The following ANO6 variants were observed in gnomAD, a reference collection of about 807,000 sequenced individuals.
ANO6 encodes anoctamin 6.
Under a neutral mutation model 117.5 loss-of-function variants are expected in ANO6, and 106 were observed. That is an observed-to-expected ratio of 0.90 (90% confidence interval 0.77 to 1.06). ANO6 has a LOEUF of 1.06. Among genes scored for constraint, ANO6 ranks in the 50% least tolerant of loss-of-function variants. The pLI, the probability that ANO6 is intolerant of heterozygous loss-of-function variation, is 0.00. For synonymous variants in ANO6, 367 were observed against 385.1 expected, an observed-to-expected ratio of 0.95 and a Z score of 0.55; for missense variants, 955 against 1,121.1, an observed-to-expected ratio of 0.85 and a Z score of 2.12.
At chr12:45,434,024 A>G (rs1427805328), downstream of ANO6, among the ~76,000 whole-genome samples, 1 of 152,178 alleles carries the variant, frequency 6.6e-6, no homozygotes. Context: ...AGCACATGGG[A>G]TCCTTTACAA....
At chr12:45,439,830 T>C in exon 20 of ANO6, 1 of 1,540,068 alleles carries the variant, frequency 6.5e-7, no homozygotes, top group South Asian at 1.2e-5. Context: ...CCCTCTATTA[T>C]ATATTTTCTA....
At chr12:45,279,855 G>A (rs1452923271) in intron 1 of ANO6, among the ~76,000 whole-genome samples, 1 of 152,234 alleles carries the variant, frequency 6.6e-6, no homozygotes, top group Non-Finnish European at 1.5e-5. Context: ...GAAGAAATGT[G>A]AAGTTAAGTT....
At chr12:45,307,281 G>C (rs1592943705) in intron 2 of ANO6, among the ~76,000 whole-genome samples, 1 of 152,072 alleles carries the variant, frequency 6.6e-6, no homozygotes, top group African/African-American at 2.4e-5. Flanking sequence ...ACTTTCTCAG[G>C]AATCCAAATG....
chr12:45,315,273 G>A (rs1337001550), intron 2 of ANO6, among the ~76,000 whole-genome samples: 2 of 152,028 alleles, frequency 1.3e-5, no homozygotes, highest in African/African-American at 4.8e-5. Context: ...TGTGGCTCAT[G>A]GCTACTGTGT....
rs555482502 is a variant in ANO6, at chr12:45,305,467, C to A, written c.150+3374C>A. 4.6e-5 allele frequency among the ~76,000 whole-genome samples: 7 copies of A among 152,258 alleles called. No homozygotes were observed. In the East Asian group the frequency reaches 1.4e-3, roughly 29 times the overall value. ...GAATATATTGATAAGCATAACTAATCCATTGTTACTTTGAAAGCAGTTAGT... is the reference window on the plus strand; with the variant it reads ...GAATATATTGATAAGCATAACTAATACATTGTTACTTTGAAAGCAGTTAGT... On this transcript the variant is annotated intron_variant, in intron 2 of 19. Transcript: ENST00000320560.
intron 2 of ANO6, among the ~76,000 whole-genome samples, chr12:45,321,691 A>G (rs1426270922): frequency 6.6e-6 from 1 of 152,148 alleles, no homozygotes; most frequent in Non-Finnish European, 1.5e-5. Context: ...TCGTCTGTGT[A>G]ACCAAGTTTT....
intron 1 of ANO6, among the ~76,000 whole-genome samples, chr12:45,231,326 G>T (rs957332096): frequency 4.6e-5 from 7 of 152,118 alleles, no homozygotes; most frequent in African/African-American, 1.7e-4. Flanking sequence ...TGCAAAATAG[G>T]TACGTGAATT....
chr12:45,373,477 C>T (rs1343126585), intron 9 of ANO6, among the ~76,000 whole-genome samples: 5 of 152,090 alleles, frequency 3.3e-5, no homozygotes, highest in Non-Finnish European at 7.3e-5. Flanking sequence ...CTCTCCTCAG[C>T]GAATGTAAAA....
At chr12:45,228,232 T>C (rs1269666061) in intron 1 of ANO6, 8 of 444,164 alleles carry the variant, frequency 1.8e-5, no homozygotes, top group Admixed American at 2.4e-5. Flanking sequence ...CCAGACTCAA[T>C]TGATCCTCTT....
intron 1 of ANO6, among the ~76,000 whole-genome samples, chr12:45,285,751 A>T (rs1221700011): frequency 6.6e-6 from 1 of 152,072 alleles, no homozygotes; most frequent in Non-Finnish European, 1.5e-5. Flanking sequence ...AGAAAAAGAA[A>T]AAAAAAGGCT....
At chr12:45,405,455 A>G (rs1368248644) in intron 15 of ANO6, among the ~76,000 whole-genome samples, 2 of 152,226 alleles carry the variant, frequency 1.3e-5, no homozygotes, top group Non-Finnish European at 2.9e-5. Flanking sequence ...ATTGTTGAAA[A>G]TTACAGTGAT....
At position 45,362,861 on chromosome 12, in the gene ANO6, TAATG is replaced by T. The variant is rs544557685; in HGVS notation, c.999-4826_999-4823del. On this transcript the variant is annotated intron_variant, in intron 8 of 19. Coordinates refer to ENST00000320560, the MANE Select transcript of ANO6 (RefSeq NM_001025356.3). ...TATTATCATCATGCAAATTACAACTTAATGCATTATAAGCTTACCAACAGTTTCA... is the reference window on the plus strand; with the variant it reads ...TATTATCATCATGCAAATTACAACTTCATTATAAGCTTACCAACAGTTTCA... 7.2e-5 allele frequency among the ~76,000 whole-genome samples: 11 copies of T among 152,368 alleles called. No individual in the cohort carries two copies. The South Asian group carries it at 2.1e-3, about 29-fold the overall frequency.
At chr12:45,262,081 T>C (rs1449030750) in intron 1 of ANO6, among the ~76,000 whole-genome samples, 1 of 152,200 alleles carries the variant, frequency 6.6e-6, no homozygotes, top group African/African-American at 2.4e-5. Flanking sequence ...TTATACATAT[T>C]ATATGTGAGC....
intron 9 of ANO6, among the ~76,000 whole-genome samples, chr12:45,368,773 T>C (rs1941748821): frequency 6.6e-6 from 1 of 152,236 alleles, no homozygotes; most frequent in South Asian, 2.1e-4. Context: ...CTACTCCATG[T>C]AAGTCAGATT....
At chr12:45,239,305 T>C (rs1947699868) in intron 1 of ANO6, among the ~76,000 whole-genome samples, 1 of 152,256 alleles carries the variant, frequency 6.6e-6, no homozygotes, top group Admixed American at 6.5e-5. Context: ...CCATTTCTTC[T>C]AGATTTTCTA....
At chr12:45,386,542 C>T (rs1241812279) in intron 10 of ANO6, among the ~76,000 whole-genome samples, 8 of 152,226 alleles carry the variant, frequency 5.3e-5, no homozygotes, top group African/African-American at 1.2e-4. Context: ...GCCTTCTCAA[C>T]GTCCCTCAAG....
intron 3 of ANO6, among the ~76,000 whole-genome samples, chr12:45,339,485 T>G (rs1291595629): frequency 6.6e-6 from 1 of 152,158 alleles, no homozygotes; most frequent in African/African-American, 2.4e-5. Flanking sequence ...TGAGCATTTA[T>G]TTCTTTTGTG....
At chr12:45,406,021 T>G (rs1439516559) in intron 15 of ANO6, among the ~76,000 whole-genome samples, 2 of 152,212 alleles carry the variant, frequency 1.3e-5, no homozygotes, top group Non-Finnish European at 2.9e-5. Flanking sequence ...ATCGTGTAAG[T>G]GTGTCAAGAG....
intron 1 of ANO6, 24 bp downstream of exon 1, chr12:45,216,415 C>T (rs1947312044): frequency 6.2e-7 from 1 of 1,605,848 alleles, no homozygotes; most frequent in East Asian, 2.2e-5. Context: ...CCCCGCGTCC[C>T]CACCCGAGAG....
Sources: allele counts gnomAD v4.1 joint callset (sites outside exome capture counted in the v4.1 genomes callset), GRCh38; gene constraint gnomAD v4.1.1; transcripts MANE v1.5; gene names NCBI Gene and HGNC (gene_info 2026-07-23, HGNC 2026-07-21).